Variants in KIRREL3 observed in about 807,000 individuals in gnomAD.
KIRREL3 encodes kin of IRRE-like protein 3.
KIRREL3 carries 36 observed loss-of-function variants against 89.7 expected under a neutral mutation model. The observed-to-expected ratio is 0.40, with a 90% CI of 0.31 to 0.53. The LOEUF is 0.53. Among genes scored for constraint, KIRREL3 ranks in the 20% least tolerant of loss-of-function variants. The pLI is 0.49. For missense variants in KIRREL3, 864 were observed against 1,056.6 expected, an observed-to-expected ratio of 0.82 and a Z score of 2.53; for synonymous variants, 445 against 441.4, an observed-to-expected ratio of 1.01 and a Z score of -0.10.
In KIRREL3 at chr11:126,896,465, G is replaced by A. The variant is rs1486662829; in HGVS notation, c.55+103990C>T. ...ATGCCCTTTCCAGAGCTACAGACAG[G>A]CATGCTGTCATCAGACTTCCAATCT... On this transcript the variant is annotated intron_variant, in intron 1 of 16. Transcript: ENST00000525144. This position sits in a 1 kb window ranked among gnomAD's most constrained non-coding sequence, Gnocchi z 4.1. Among the ~76,000 whole-genome samples, 3 of 152,192 alleles carry A rather than the reference G, an allele frequency of 2.0e-5. No homozygotes were observed. The highest frequency in any genetic ancestry group is 2.9e-5 in the Non-Finnish European group (2 of 68,036).
intron 1 of KIRREL3, among the ~76,000 whole-genome samples, chr11:126,613,265 C>T (rs1321002421): frequency 6.6e-6 from 1 of 152,084 alleles, no homozygotes; most frequent in Non-Finnish European, 1.5e-5. Context: ...TCCCAAAGTT[C>T]GTGATTACAG....
chr11:126,569,162 G>T lies in KIRREL3; in HGVS notation c.56-6250C>A, dbSNP rs1940743490. On this transcript the variant is annotated intron_variant, in intron 1 of 16. Transcript: ENST00000525144. This position sits in a 1 kb window ranked among gnomAD's most constrained non-coding sequence, Gnocchi z 6.5. ...TTTTGTGGGATATAATGGACAAAGA[G>T]ACATGTCTGTATCAGAGTAGGGTGA... Among the ~76,000 whole-genome samples the T allele has an allele frequency of 6.6e-6, 1 of 152,156 alleles. No individual in the cohort carries two copies. Among genetic ancestry groups the T allele is most frequent in the South Asian group, 2.1e-4 (1 of 4,832 alleles).
chr11:126,857,602 G>C (rs1233153653), intron 1 of KIRREL3, among the ~76,000 whole-genome samples: 1 of 151,982 alleles, frequency 6.6e-6, no homozygotes, highest in East Asian at 1.9e-4. Context: ...CTGCCTCTGG[G>C]GATTGATCTG....
chr11:126,993,366 A>C lies in KIRREL3; in HGVS notation c.55+7089T>G, dbSNP rs1322660283. 2.0e-5 allele frequency among the ~76,000 whole-genome samples: 3 copies of C among 152,136 alleles called. No homozygotes were observed. Among genetic ancestry groups the C allele is most frequent in the African/African-American group, 7.2e-5 (3 of 41,428 alleles). ...TGCCCATGGCTTCTGAACATATCGC[A>C]TTCTGTTCTGCCTTTTGTATTTGCA... On this transcript the variant is annotated intron_variant, in intron 1 of 16. Coordinates refer to ENST00000525144, the MANE Select transcript of KIRREL3 (RefSeq NM_032531.4). The surrounding 1 kb of genome is among the most constrained non-coding windows in gnomAD (Gnocchi z 6.1).
chr11:126,963,975 G>A (rs1172113509), intron 1 of KIRREL3, among the ~76,000 whole-genome samples: 2 of 152,248 alleles, frequency 1.3e-5, no homozygotes, highest in Admixed American at 6.5e-5. Flanking sequence ...GGGAGGTACA[G>A]AAAAAATTAG....
At chr11:126,633,289 C>T (rs955854055) in intron 1 of KIRREL3, among the ~76,000 whole-genome samples, 2 of 152,044 alleles carry the variant, frequency 1.3e-5, no homozygotes, top group Non-Finnish European at 1.5e-5. Context: ...ACCACCATGG[C>T]ACACGTATCC....
At chr11:126,822,698 A>G (rs1038747328) in intron 1 of KIRREL3, among the ~76,000 whole-genome samples, 1 of 152,170 alleles carries the variant, frequency 6.6e-6, no homozygotes, top group Non-Finnish European at 1.5e-5. Context: ...CACTAAAGTC[A>G]TTCAGAGTTA....
rs1347351064 is a variant in KIRREL3, at chr11:126,748,239, T to C, written c.56-185327A>G. 6.6e-6 allele frequency among the ~76,000 whole-genome samples: 1 copy of C among 152,206 alleles called. No homozygotes were observed. The highest frequency in any genetic ancestry group is 1.9e-4 in the East Asian group (1 of 5,190). ...CTTCTGGGTGTGCAGACAATCTCACTGTTTCACCAGCCACTTCCTTTTACT... is the reference window on the plus strand; with the variant it reads ...CTTCTGGGTGTGCAGACAATCTCACCGTTTCACCAGCCACTTCCTTTTACT... On this transcript the variant is annotated intron_variant, in intron 1 of 16. Coordinates refer to ENST00000525144, the MANE Select transcript of KIRREL3 (RefSeq NM_032531.4). This position sits in a 1 kb window ranked among gnomAD's most constrained non-coding sequence, Gnocchi z 4.6.
rs770332624 is a variant in KIRREL3, at chr11:126,435,300, G to A, written c.1556C>T (p.Ser519Leu). The part of the protein sequence containing the change: ...TEIIRLKEQG[S>L]EMKSGAGLEA... Reference sequence around the variant, plus strand: ...CAGCCCGGCTCCCGACTTCATTTCCGAACCTGTTTGGAAATAAAGCAAGCG... The same window carrying A: ...CAGCCCGGCTCCCGACTTCATTTCCAAACCTGTTTGGAAATAAAGCAAGCG... Residue 519 changes from serine to leucine, a missense_variant, in exon 13 of 17, where the codon TCG (serine) becomes TTG (leucine). Transcript: ENST00000525144. 6 of 1,609,222 alleles carry A rather than the reference G, an allele frequency of 3.7e-6. No individual in the cohort carries two copies. The highest frequency in any genetic ancestry group is 1.1e-5 in the South Asian group (1 of 91,018).
In KIRREL3 at chr11:126,429,520, C is replaced by A. The variant is rs1280135458; in HGVS notation, c.1697-232G>T. ...TGGCCGGCCTGCCTCCTGTCACATG[C>A]CCCTCAGCCATGCACCCTTGGCTTG... On this transcript the variant is annotated intron_variant, in intron 14 of 16. Transcript: ENST00000525144. This position sits in a 1 kb window ranked among gnomAD's most constrained non-coding sequence, Gnocchi z 5.2. Among the ~76,000 whole-genome samples the A allele has an allele frequency of 6.6e-6, 1 of 152,216 alleles. No homozygotes were observed. Among genetic ancestry groups the A allele is most frequent in the East Asian group, 1.9e-4 (1 of 5,184 alleles).
chr11:126,789,746 C>G (rs1353679980), intron 1 of KIRREL3, among the ~76,000 whole-genome samples: 2 of 152,204 alleles, frequency 1.3e-5, no homozygotes, highest in African/African-American at 4.8e-5. Flanking sequence ...GTACCATGCA[C>G]TCTGTGGTTT....
At chr11:126,845,086 G>C (rs1944094941) in intron 1 of KIRREL3, among the ~76,000 whole-genome samples, 1 of 152,156 alleles carries the variant, frequency 6.6e-6, no homozygotes, top group African/African-American at 2.4e-5. Context: ...AACGATGATG[G>C]GGCCCAACTG....
At chr11:126,911,431 C>A (rs943154431) in intron 1 of KIRREL3, among the ~76,000 whole-genome samples, 1 of 152,214 alleles carries the variant, frequency 6.6e-6, no homozygotes, top group Non-Finnish European at 1.5e-5. Context: ...GTGTACTCTG[C>A]TGCAGAGACA....
rs1944974413 is a variant in KIRREL3, at chr11:126,653,176, C to T, written c.56-90264G>A. Among the ~76,000 whole-genome samples the T allele has an allele frequency of 6.6e-6, 1 of 152,174 alleles. No homozygotes were observed. Among genetic ancestry groups the T allele is most frequent in the Admixed American group, 6.5e-5 (1 of 15,278 alleles). On this transcript the variant is annotated intron_variant, in intron 1 of 16. Coordinates refer to ENST00000525144, the MANE Select transcript of KIRREL3 (RefSeq NM_032531.4). This position sits in a 1 kb window ranked among gnomAD's most constrained non-coding sequence, Gnocchi z 5.4. ...ACAAGAGAATGATGGAATAACTAGG[C>T]AAGTGAGAGAGGCAGACAGTGCACT...
intron 3 of KIRREL3, among the ~76,000 whole-genome samples, chr11:126,524,656 G>A (rs939911887): frequency 6.6e-6 from 1 of 152,194 alleles, no homozygotes; most frequent in African/African-American, 2.4e-5. Context: ...AAAACATTTA[G>A]GTCTTCAAGG....
In KIRREL3 at chr11:126,708,711, G is replaced by T. The variant is rs1369256101; in HGVS notation, c.56-145799C>A. On this transcript the variant is annotated intron_variant, in intron 1 of 16. Coordinates refer to ENST00000525144, the MANE Select transcript of KIRREL3 (RefSeq NM_032531.4). This position sits in a 1 kb window ranked among gnomAD's most constrained non-coding sequence, Gnocchi z 5.7. ...CGGGACCTCCTCTCCCATTTCTCCG[G>T]GGCCTCCAGGGCCCTCCCGCACATT... is the stretch of plus-strand genomic sequence containing the variant. 1.3e-5 allele frequency among the ~76,000 whole-genome samples: 2 copies of T among 152,100 alleles called. No homozygotes were observed. The highest frequency in any genetic ancestry group is 2.9e-5 in the Non-Finnish European group (2 of 68,028).
intron 1 of KIRREL3, among the ~76,000 whole-genome samples, chr11:126,786,691 G>C (rs1451535727): frequency 6.6e-6 from 1 of 152,188 alleles, no homozygotes; most frequent in African/African-American, 2.4e-5. Context: ...CCAACTCTAG[G>C]CCTGCATGCT....
At chr11:126,711,583 AC>A (rs1432492766) in intron 1 of KIRREL3, among the ~76,000 whole-genome samples, 1 of 152,204 alleles carries the variant, frequency 6.6e-6, no homozygotes, top group Non-Finnish European at 1.5e-5. Flanking sequence ...AAAAACAACA[AC>A]AAAAAATAAT....
chr11:126,863,878 G>A (rs1022510173), intron 1 of KIRREL3, among the ~76,000 whole-genome samples: 1 of 152,204 alleles, frequency 6.6e-6, no homozygotes, highest in Non-Finnish European at 1.5e-5. Context: ...AACAAAGGTA[G>A]GCTGCAGGTC....
Sources: allele counts gnomAD v4.1 joint callset (sites outside exome capture counted in the v4.1 genomes callset), GRCh38; gene constraint gnomAD v4.1.1; non-coding constraint Gnocchi (gnomAD v3.1); transcripts MANE v1.5; gene names NCBI Gene and HGNC (gene_info 2026-07-23, HGNC 2026-07-21).